The following EVC variants were observed in gnomAD, a reference collection of about 807,000 sequenced individuals.
EVC encodes the protein evC complex member EVC.
Under a neutral mutation model 118.9 loss-of-function variants are expected in EVC, and 116 were observed. The ratio of observed to expected loss-of-function variants is 0.98; its 90% CI spans 0.84 to 1.14. The LOEUF (loss-of-function observed/expected upper bound fraction) is 1.14, where lower values mean the gene tolerates loss of function less well. Ranked by LOEUF, EVC falls within the 50% of genes most tolerant of loss-of-function variation. The pLI is 0.00. For synonymous variants in EVC, 619 were observed against 534.7 expected (o/e 1.16, Z -2.18); for missense variants, 1,401 against 1,246.4 (o/e 1.12, Z -1.87).
chr4:5,745,541 T>C (rs59741480), intron 7 of EVC, among the ~76,000 whole-genome samples, 200 bp downstream of exon 7: 1 of 152,114 alleles, frequency 6.6e-6, no homozygotes, highest in African/African-American at 2.4e-5. Flanking sequence ...CAAAGGGAGG[T>C]TTATTTTTTA....
intron 12 of EVC, chr4:5,793,389 A>C (rs1713157103): frequency 3.5e-6 from 2 of 575,038 alleles, no homozygotes; most frequent in Non-Finnish European, 6.2e-6. Flanking sequence ...TCAATTTAGA[A>C]TATTTAAAAT....
At chr4:5,774,717 G>C (rs570841016) in intron 11 of EVC, among the ~76,000 whole-genome samples, 1 of 152,238 alleles carries the variant, frequency 6.6e-6, no homozygotes, top group African/African-American at 2.4e-5. Context: ...TTGAGGGGGA[G>C]GGGATAGCCT....
chr4:5,765,407 T>C (rs1418044699), intron 11 of EVC, among the ~76,000 whole-genome samples: 1 of 113,300 alleles, frequency 8.8e-6, no homozygotes, highest in Non-Finnish European at 1.9e-5. Context: ...GTTCTGTAGA[T>C]GTCTATTAGG....
chr4:5,801,854 C>G (rs1715047301), intron 15 of EVC, 96 bp from the exon 16 acceptor site: 9 of 1,425,738 alleles, frequency 6.3e-6, no homozygotes, highest in South Asian at 1.2e-5. Context: ...GGTGGAAGAT[C>G]TGAACCAGGG....
chr4:5,823,899 T>A, the EVC span, among the ~76,000 whole-genome samples: 1 of 152,170 alleles, frequency 6.6e-6, no homozygotes, highest in Non-Finnish European at 1.5e-5. Flanking sequence ...CATACGCAGA[T>A]ATTAAAAAGG....
At chr4:5,806,130 A>C (rs895288063) in intron 17 of EVC, among the ~76,000 whole-genome samples, 3 of 151,188 alleles carry the variant, frequency 2.0e-5, no homozygotes, top group South Asian at 2.1e-4. Context: ...CCCAGGCTGG[A>C]ATGCAGTGGT....
chr4:5,752,462 C>T (rs573331959), intron 8 of EVC, among the ~76,000 whole-genome samples: 10 of 152,236 alleles, frequency 6.6e-5, no homozygotes, highest in African/African-American at 2.4e-4. Context: ...CCTCCACAGC[C>T]CTGTGGGGGC....
At chr4:5,801,786 A>C in intron 15 of EVC, 164 bp from the exon 16 acceptor site, 1 of 694,236 alleles carries the variant, frequency 1.4e-6, no homozygotes, top group Non-Finnish European at 2.6e-6. Context: ...TCCCATGACT[A>C]GTTTAAACCA....
chr4:5,779,090 A>G, intron 11 of EVC, among the ~76,000 whole-genome samples: 1 of 152,148 alleles, frequency 6.6e-6, no homozygotes, highest in Non-Finnish European at 1.5e-5. Flanking sequence ...CCATTTATTA[A>G]GTAGGGAATC....
At chr4:5,820,905 T>A in the EVC span, 1 of 150,750 alleles carries the variant, frequency 6.6e-6, no homozygotes, top group Non-Finnish European at 1.5e-5. Context: ...TACAAAACTT[T>A]AAAAATCTGA....
At chr4:5,777,735 C>T (rs1462457970) in intron 11 of EVC, among the ~76,000 whole-genome samples, 2 of 152,006 alleles carry the variant, frequency 1.3e-5, no homozygotes, top group Non-Finnish European at 2.9e-5. Context: ...TTCCATATGC[C>T]CTTGTCATGG....
intron 11 of EVC, among the ~76,000 whole-genome samples, chr4:5,758,594 G>C (rs2152108670): frequency 6.6e-6 from 1 of 152,272 alleles, no homozygotes; most frequent in Non-Finnish European, 1.5e-5. Flanking sequence ...CACATCCCTG[G>C]CTGGGCATGG....
the EVC span, among the ~76,000 whole-genome samples, chr4:5,824,054 G>T: frequency 6.6e-6 from 1 of 152,216 alleles, no homozygotes; most frequent in African/African-American, 2.4e-5. Context: ...GAGAACAAGG[G>T]TGAGGAGGGG....
chr4:5,764,538 C>G (rs1259556921), intron 11 of EVC, among the ~76,000 whole-genome samples: 1 of 149,926 alleles, frequency 6.7e-6, no homozygotes, highest in African/African-American at 2.5e-5. Flanking sequence ...GTCCTGGACT[C>G]TTTTTGGTTG....
At chr4:5,827,644 GCA>G in the EVC span, among the ~76,000 whole-genome samples, 1 of 151,452 alleles carries the variant, frequency 6.6e-6, no homozygotes, top group Non-Finnish European at 1.5e-5. Context: ...TCCAACACAC[GCA>G]CACACATCCC....
At position 5,797,213 on chromosome 4, in the gene EVC, G is replaced by A. The variant is rs1714132239; in HGVS notation, c.2078G>A (p.Trp693Ter). Reference sequence around the variant, plus strand: ...TCCCAGTGCCTGGACGAGCATCAGTGGCAGCTGCTCAGGGCCCTGGTAAGA... The same window carrying A: ...TCCCAGTGCCTGGACGAGCATCAGTAGCAGCTGCTCAGGGCCCTGGTAAGA... ...GSSQCLDEHQ[W>*]QLLRALEARV... Residue 693 changes from tryptophan (W) to a stop codon, truncating the protein, a stop_gained, in exon 14 of 21, where the codon TGG (tryptophan) becomes TAG (stop). Transcript: ENST00000264956. LOFTEE classifies it high-confidence loss of function. 2 of 1,610,772 alleles carry A rather than the reference G, an allele frequency of 1.2e-6. No individual in the cohort carries two copies. The highest frequency in any genetic ancestry group is 1.1e-5 in the South Asian group (1 of 90,690).
Position 5,751,856 on chromosome 4 carries a change from C to T in EVC, c.1099-980C>T, listed in dbSNP as rs926586923. Among the ~76,000 whole-genome samples, 3 of 152,174 alleles carry T rather than the reference C, an allele frequency of 2.0e-5. No individual in the cohort carries two copies. The East Asian group carries it at 5.8e-4, about 29-fold the overall frequency. On this transcript the variant is annotated intron_variant, in intron 8 of 20. Coordinates refer to ENST00000264956, the MANE Select transcript of EVC (RefSeq NM_153717.3). ...CAGTGAGGGTGTTCCAGGAGGAAGGCCCCGCATGTGCAGAGGCTGGGCAGC... is the reference window on the plus strand; with the variant it reads ...CAGTGAGGGTGTTCCAGGAGGAAGGTCCCGCATGTGCAGAGGCTGGGCAGC...
At position 5,808,280 on chromosome 4, in the gene EVC, G is replaced by T. The variant is rs574700297; in HGVS notation, c.2641G>T (p.Ala881Ser). 1.2e-5 allele frequency: 19 copies of T among 1,614,212 alleles called. No homozygotes were observed. In the African/African-American group the frequency reaches 1.9e-4, roughly 16 times the overall value. The change falls in exon 18 of 21, where the codon GCA becomes TCA. Residue 881 changes from alanine to serine, a missense_variant. Transcript: ENST00000264956. ...GCGTCTGCACGCCCAGCAGCAGCAG[G>T]CAGGAGTCATGGACCTTCTGGAAGC... is the stretch of plus-strand genomic sequence containing the variant. ...QMRLHAQQQQAGVMDLLEAQL... is the reference protein window; with the variant it reads ...QMRLHAQQQQSGVMDLLEAQL...
In EVC at chr4:5,783,837, C is replaced by T. The variant is rs193182927; in HGVS notation, c.1776+73C>T. The T allele has an allele frequency of 1.2e-4, 162 of 1,375,328 alleles. No homozygotes were observed. In the African/African-American group the frequency reaches 1.7e-3, roughly 14 times the overall value. 85.2% of individuals were successfully genotyped at this position (1,375,328 alleles called of 1,614,324 possible). ...ACACGAAGAAGCGTGAGAGATCTCACGTCCTGAACACCCACTAGTGCCTAT... is the reference window on the plus strand; with the variant it reads ...ACACGAAGAAGCGTGAGAGATCTCATGTCCTGAACACCCACTAGTGCCTAT... On this transcript the variant is annotated intron_variant, in intron 12 of 20. Coordinates refer to ENST00000264956, the MANE Select transcript of EVC (RefSeq NM_153717.3).
Sources: allele counts gnomAD v4.1 joint callset (sites outside exome capture counted in the v4.1 genomes callset), GRCh38; gene constraint gnomAD v4.1.1; transcripts MANE v1.5; gene names NCBI Gene and HGNC (gene_info 2026-07-23, HGNC 2026-07-21).